Variants in METTL2A observed in about 807,000 individuals in gnomAD.
METTL2A encodes the protein tRNA N(3)-cytidine methyltransferase METTL2A.
Under a neutral mutation model 49.4 loss-of-function variants are expected in METTL2A, and 45 were observed. The observed-to-expected ratio is 0.91, with a 90% confidence interval of 0.72 to 1.17. The LOEUF is 1.17. METTL2A is among the 50% of genes most tolerant of loss of function. The pLI is 0.00. For synonymous variants in METTL2A, 118 were observed against 167.5 expected (o/e 0.70, Z 2.28); for missense variants, 361 against 462.2 (o/e 0.78, Z 2.01).
At chr17:62,431,542 G>A (rs1033552199) in intron 4 of METTL2A, among the ~76,000 whole-genome samples, 2 of 151,926 alleles carry the variant, frequency 1.3e-5, no homozygotes, top group African/African-American at 4.8e-5. Context: ...TTGTAGAAAC[G>A]GGGTTTTGCC....
chr17:62,449,482 G>A lies in METTL2A; in HGVS notation c.*753G>A. 1 of 430,320 alleles carries A rather than the reference G, an allele frequency of 2.3e-6. No individual in the cohort carries two copies. Among genetic ancestry groups the A allele is most frequent in the Non-Finnish European group, 4.6e-6 (1 of 217,716 alleles). 26.7% of individuals were successfully genotyped at this position (430,320 alleles called of 1,614,324 possible). A position where few individuals can be genotyped will look rare whatever the true frequency, so the allele number is the denominator to read the frequency against. ...TCCCAGCACTTTGGGAGGCCAAGGCGGGCGGATCAGCTGAGGTCAGGAGTT... is the reference window on the plus strand; with the variant it reads ...TCCCAGCACTTTGGGAGGCCAAGGCAGGCGGATCAGCTGAGGTCAGGAGTT... On this transcript the variant is annotated 3_prime_UTR_variant, in exon 9 of 9. Coordinates refer to ENST00000311506, the MANE Select transcript of METTL2A (RefSeq NM_181725.4).
At position 62,448,635 on chromosome 17, in the gene METTL2A, G is replaced by A. The variant is rs774667328; in HGVS notation, c.1043G>A (p.Arg348His). ...GLEKVQNLVD[R>H]RLQVNRGKQL... ...GAAAAAGTTCAGAACCTGGTGGATC[G>A]CCGACTGCAGGTGAACCGAGGAAAG... is the stretch of plus-strand genomic sequence containing the variant. The change falls in exon 9 of 9, where the codon CGC (arginine) becomes CAC (histidine). Residue 348 changes from arginine (R) to histidine (H), a missense_variant. Arg to His is a conservative substitution (Grantham distance 29). Around this residue, in one of 3 missense-constraint regions of METTL2A, gnomAD observed 183 missense variants for 216.5 expected, o/e 0.85. Transcript: ENST00000311506. The A allele has an allele frequency of 9.9e-6, 16 of 1,614,128 alleles. No homozygotes were observed. The highest frequency in any genetic ancestry group is 1.3e-5 in the Non-Finnish European group (15 of 1,180,028).
Position 62,428,044 on chromosome 17 carries a change from G to A in METTL2A, c.608+207G>A, listed in dbSNP as rs542732765. On this transcript the variant is annotated intron_variant, in intron 4 of 8. Coordinates refer to ENST00000311506, the MANE Select transcript of METTL2A (RefSeq NM_181725.4). The stretch of plus-strand genomic sequence containing the variant: ...TTGCTGCATCAAACTATCAGTAATG[G>A]TTATTGGAAAATATGGATTATGTCA... Among the ~76,000 whole-genome samples, 17 of 152,286 alleles carry A rather than the reference G, an allele frequency of 1.1e-4. No individual in the cohort carries two copies. In the South Asian group the frequency reaches 3.3e-3, roughly 30 times the overall value.
chr17:62,425,441 C>T (rs545950042), intron 2 of METTL2A, among the ~76,000 whole-genome samples: 4 of 139,250 alleles, frequency 2.9e-5, no homozygotes, highest in African/African-American at 1.1e-4. Context: ...GGCTGGAGTG[C>T]AGTGGCACGA....
chr17:62,447,880 T>C (rs572084780), intron 8 of METTL2A, 114 bp downstream of exon 8: 27 of 1,555,478 alleles, frequency 1.7e-5, no homozygotes, highest in Admixed American at 1.1e-4. Context: ...GGCAGGCTGT[T>C]TCCTGCGGTT....
At chr17:62,447,564 T>C (rs1467326769) in intron 7 of METTL2A, 137 bp from the exon 8 acceptor site, 1 of 842,756 alleles carries the variant, frequency 1.2e-6, no homozygotes, top group Non-Finnish European at 2.0e-6. Context: ...CTTACTCCTG[T>C]TGAGCTGCTC....
chr17:62,447,121 A>T (rs548093704), intron 7 of METTL2A, among the ~76,000 whole-genome samples: 4 of 152,136 alleles, frequency 2.6e-5, no homozygotes, highest in South Asian at 4.2e-4. Flanking sequence ...TTGCTTAATT[A>T]AAAAAAATAA....
At position 62,426,545 on chromosome 17, in the gene METTL2A, A is replaced by G. The variant is rs749919285; in HGVS notation, c.449A>G (p.His150Arg). The change falls in exon 3 of 9, where the codon CAT becomes CGT. Residue 150 changes from histidine to arginine, a missense_variant. His to Arg is a conservative substitution (Grantham distance 29). This residue lies in a region of METTL2A where 28 missense variants were observed against 75.6 expected (regional missense o/e 0.37). Coordinates refer to ENST00000311506, the MANE Select transcript of METTL2A (RefSeq NM_181725.4). ...AAGTGTTCTTCAAAGAGCCTTGAAC[A>G]TAAAACACAGACACTTCCTGTGGAG... ...QHKCSSKSLE[H>R]KTQTLPVEEN... 32 of 1,378,406 alleles carry G rather than the reference A, an allele frequency of 2.3e-5. No individual in the cohort carries two copies. The highest frequency in any genetic ancestry group is 8.8e-5 in the South Asian group (7 of 79,602). 85.4% of individuals were successfully genotyped at this position (1,378,406 alleles called of 1,614,324 possible).
rs1296752878 is a variant in METTL2A at position 62,452,247 on chromosome 17, G to A, written c.*3518G>A. On this transcript the variant is annotated 3_prime_UTR_variant, in exon 9 of 9. Coordinates refer to ENST00000311506, the MANE Select transcript of METTL2A (RefSeq NM_181725.4). ...TGATTTGGTTCAGGCTCTGCATTTTGGGCAGGAATATTCAGAGGTAATGCT... is the reference window on the plus strand; with the variant it reads ...TGATTTGGTTCAGGCTCTGCATTTTAGGCAGGAATATTCAGAGGTAATGCT... Among the ~76,000 whole-genome samples, 1 of 152,086 alleles carries A rather than the reference G, an allele frequency of 6.6e-6. No individual in the cohort carries two copies. Among genetic ancestry groups the A allele is most frequent in the Non-Finnish European group, 1.5e-5 (1 of 68,004 alleles).
Position 62,448,855 on chromosome 17 carries a change from A to T in METTL2A, c.*126A>T. 6.8e-7 allele frequency: 1 copy of T among 1,468,152 alleles called. No individual in the cohort carries two copies. Among genetic ancestry groups the T allele is most frequent in the Admixed American group, 2.3e-5 (1 of 44,324 alleles). The allele number at this position is 1,468,152 out of a possible 1,614,324, so 90.9% of individuals were successfully genotyped here. A position where few individuals can be genotyped will look rare whatever the true frequency, so the allele number is the denominator to read the frequency against. ...CACTCAGGAGGCTGAGGCGGGGAGG[A>T]TCCATTGAGCCCAGCAGTCCAACCT... On this transcript the variant is annotated 3_prime_UTR_variant, in exon 9 of 9. Transcript: ENST00000311506.
At position 62,447,763 on chromosome 17, in the gene METTL2A, C is replaced by T. The variant is rs2070778967; in HGVS notation, c.979C>T (p.Gln327Ter). The change falls in exon 8 of 9, where the codon CAA (glutamine) becomes TAA (stop). Residue 327 changes from glutamine to a stop codon, truncating the protein, a stop_gained. Coordinates refer to ENST00000311506, the MANE Select transcript of METTL2A (RefSeq NM_181725.4). LOFTEE classifies it high-confidence loss of function. ...TGGAACCAGAGTTTACTTCTTCACACAAGGTATGAAACACCCATCTTTTTA... is the reference window on the plus strand; with the variant it reads ...TGGAACCAGAGTTTACTTCTTCACATAAGGTATGAAACACCCATCTTTTTA... ...GDGTRVYFFTQEELDTLFTTA... is the reference protein window; with the variant it reads ...GDGTRVYFFT 2 of 1,614,184 alleles carry T rather than the reference C, an allele frequency of 1.2e-6. No individual in the cohort carries two copies. The highest frequency in any genetic ancestry group is 1.7e-6 in the Non-Finnish European group (2 of 1,180,006).
At chr17:62,425,091 G>T (rs960026707) in intron 2 of METTL2A, among the ~76,000 whole-genome samples, 9 of 150,804 alleles carry the variant, frequency 6.0e-5, no homozygotes, top group African/African-American at 2.2e-4. Flanking sequence ...TATAGTTAAA[G>T]ACACTTGGAC....
At position 62,426,511 on chromosome 17, in the gene METTL2A, G is replaced by T. The variant is rs1194022047; in HGVS notation, c.415G>T (p.Glu139Ter). 3 of 1,612,176 alleles carry T rather than the reference G, an allele frequency of 1.9e-6. No homozygotes were observed. In the African/African-American group the frequency reaches 4.0e-5, roughly 22 times the overall value. Residue 139 changes from glutamate to a stop codon, truncating the protein, a stop_gained, in exon 3 of 9, where the codon GAA becomes TAA. Coordinates refer to ENST00000311506, the MANE Select transcript of METTL2A (RefSeq NM_181725.4). LOFTEE classifies it high-confidence loss of function. ...GGATGGACCTGGTTTAATAATGGAA[G>T]AACAGCACAAGTGTTCTTCAAAGAG... The part of the protein sequence containing the change: ...NEDGPGLIME[E>*]QHKCSSKSLE...
intron 7 of METTL2A, among the ~76,000 whole-genome samples, chr17:62,446,987 T>C (rs1161335820): frequency 1.3e-5 from 2 of 152,256 alleles, no homozygotes; most frequent in East Asian, 3.9e-4. Flanking sequence ...AGGGAAAGCA[T>C]GTTCATGATC....
Position 62,425,446 on chromosome 17 carries a change from G to A in METTL2A, c.203-853G>A, listed in dbSNP as rs191463347. Among the ~76,000 whole-genome samples, 611 of 143,216 alleles carry A rather than the reference G, an allele frequency of 4.3e-3. 4 individuals carry two copies. The highest frequency in any genetic ancestry group is 0.015 in the African/African-American group (575 of 38,740). The allele number at this position is 143,216 out of a possible 152,430, so 94.0% of individuals were successfully genotyped here. On this transcript the variant is annotated intron_variant, in intron 2 of 8. Coordinates refer to ENST00000311506, the MANE Select transcript of METTL2A (RefSeq NM_181725.4). The stretch of plus-strand genomic sequence containing the variant: ...TCTGTCACCAGGCTGGAGTGCAGTG[G>A]CACGATCTCAGCTCGCTGCAATCTC...
chr17:62,427,447 C>T (rs1205593998), intron 3 of METTL2A, among the ~76,000 whole-genome samples: 1 of 152,154 alleles, frequency 6.6e-6, no homozygotes, highest in Non-Finnish European at 1.5e-5. Context: ...TTTTTCAGCA[C>T]AGTCTATTAC....
Position 62,451,006 on chromosome 17 carries a change from C to T in METTL2A, c.*2277C>T, listed in dbSNP as rs2070802640. The stretch of plus-strand genomic sequence containing the variant: ...CCAGCCACTAACCATTCATGTTTAC[C>T]CAGTAGTCCCAATAATAGCTTTGTC... On this transcript the variant is annotated 3_prime_UTR_variant, in exon 9 of 9. Transcript: ENST00000311506. Among the ~76,000 whole-genome samples the T allele has an allele frequency of 6.6e-6, 1 of 151,962 alleles. No homozygotes were observed. The highest frequency in any genetic ancestry group is 6.6e-5 in the Admixed American group (1 of 15,248).
At chr17:62,427,153 G>A (rs1241403115) in intron 3 of METTL2A, among the ~76,000 whole-genome samples, 2 of 152,148 alleles carry the variant, frequency 1.3e-5, no homozygotes, top group Admixed American at 1.3e-4. Flanking sequence ...TTGGTATAAT[G>A]TAAATTCATA....
At position 62,426,367 on chromosome 17, in the gene METTL2A, A is replaced by G; in HGVS notation, c.271A>G (p.Lys91Glu). The change falls in exon 3 of 9, where the codon AAG becomes GAG. Residue 91 changes from lysine (K) to glutamate (E), a missense_variant. Physicochemically the swap from Lys to Glu is moderately conservative, Grantham distance 56 (BLOSUM62 1). Transcript: ENST00000311506. ...FYKIHENGFF[K>E]DRHWLFTEFP... The stretch of plus-strand genomic sequence containing the variant: ...CAAAATCCACGAAAATGGGTTTTTC[A>G]AGGATAGACATTGGCTTTTTACCGA... 2 of 1,613,806 alleles carry G rather than the reference A, an allele frequency of 1.2e-6. No individual in the cohort carries two copies. Among genetic ancestry groups the G allele is most frequent in the Non-Finnish European group, 1.7e-6 (2 of 1,179,808 alleles).
Sources: allele counts gnomAD v4.1 joint callset (sites outside exome capture counted in the v4.1 genomes callset), GRCh38; gene constraint gnomAD v4.1.1; regional missense constraint gnomAD v4.1.1; transcripts MANE v1.5; gene names NCBI Gene and HGNC (gene_info 2026-07-23, HGNC 2026-07-21).